Variants in PTK7 observed in about 807,000 individuals in gnomAD.
The protein encoded by PTK7 is inactive tyrosine-protein kinase 7.
PTK7 carries 39 observed loss-of-function variants against 116.6 expected under a neutral mutation model. The ratio of observed to expected loss-of-function variants is 0.33; its 90% CI spans 0.26 to 0.44. PTK7 has a LOEUF of 0.44. Ranked by LOEUF, PTK7 falls within the 20% of genes least tolerant of loss-of-function variation. The probability of loss-of-function intolerance (pLI) is 1.00; values close to 1 mark genes in which losing one functional copy is unlikely to be tolerated. For synonymous variants in PTK7, 546 were observed against 563.6 expected (o/e 0.97, Z 0.44); for missense variants, 1,169 against 1,425.6 (o/e 0.82, Z 2.90).
chr6:43,108,370 T>C (rs1378506589), intron 1 of PTK7, among the ~76,000 whole-genome samples: 1 of 150,232 alleles, frequency 6.7e-6, no homozygotes, highest in Non-Finnish European at 1.5e-5. Flanking sequence ...GCTGGGATTA[T>C]GGGCATGAGC....
intron 1 of PTK7, among the ~76,000 whole-genome samples, chr6:43,119,461 C>T (rs1250076342): frequency 1.3e-5 from 2 of 152,146 alleles, no homozygotes; most frequent in Admixed American, 6.6e-5. Context: ...TCCACCCTGG[C>T]ACTGTTCTCC....
At position 43,129,279 on chromosome 6, in the gene PTK7, G is replaced by T. The variant is rs1769506549; in HGVS notation, c.367+15G>T. ...CAACATCAAATGTGAGAGCCAGGGG[G>T]GCTGTGCCCAGTCCCCCTGTCAGAC... On this transcript the variant is annotated intron_variant, in intron 2 of 19. Coordinates refer to ENST00000230419, the MANE Select transcript of PTK7 (RefSeq NM_002821.5). The surrounding 1 kb of genome is among the most constrained non-coding windows in gnomAD (Gnocchi z 4.5). 1.2e-6 allele frequency: 2 copies of T among 1,613,630 alleles called. No individual in the cohort carries two copies. The highest frequency in any genetic ancestry group is 1.7e-5 in the Admixed American group (1 of 59,994).
chr6:43,101,352 A>G (rs1767570656), intron 1 of PTK7, among the ~76,000 whole-genome samples: 1 of 151,946 alleles, frequency 6.6e-6, no homozygotes, highest in African/African-American at 2.4e-5. Context: ...GGAGATTGAG[A>G]CCATCCTGGC....
intron 1 of PTK7, among the ~76,000 whole-genome samples, chr6:43,094,652 G>T (rs1188000015): frequency 6.6e-6 from 1 of 151,500 alleles, no homozygotes; most frequent in East Asian, 2.0e-4. Context: ...TTATTTTTCT[G>T]TATTTTTAGT....
chr6:43,076,915 C>A lies in PTK7; in HGVS notation c.79+348C>A. The A allele has an allele frequency of 6.6e-7, 1 of 1,515,160 alleles. No homozygotes were observed. Among genetic ancestry groups the A allele is most frequent in the African/African-American group, 1.4e-5 (1 of 72,574 alleles). 93.9% of individuals were successfully genotyped at this position (1,515,160 alleles called of 1,614,324 possible). A position where few individuals can be genotyped will look rare whatever the true frequency, so the allele number is the denominator to read the frequency against. ...AGTTTCTTGTCGGGGGAGAAAAGAC[C>A]ATCCGCACCCACCGTGGGGAGCGCG... On this transcript the variant is annotated intron_variant, in intron 1 of 19. Coordinates refer to ENST00000230419, the MANE Select transcript of PTK7 (RefSeq NM_002821.5). The surrounding 1 kb of genome is among the most constrained non-coding windows in gnomAD (Gnocchi z 5.7).
chr6:43,102,619 A>C (rs992845520), intron 1 of PTK7, among the ~76,000 whole-genome samples: 2 of 152,072 alleles, frequency 1.3e-5, no homozygotes, highest in African/African-American at 2.4e-5. Context: ...ACCAAAAAAA[A>C]ACAAACCAAC....
At chr6:43,157,376 C>A (rs12214963) in intron 17 of PTK7, among the ~76,000 whole-genome samples, 19 of 21,872 alleles carry the variant, frequency 8.7e-4, no homozygotes, top group African/African-American at 2.4e-3. Context: ...TTTTTTTTTT[C>A]TTTTTTTTTT....
chr6:43,095,625 C>T (rs1005941390), intron 1 of PTK7, among the ~76,000 whole-genome samples: 2 of 152,148 alleles, frequency 1.3e-5, no homozygotes, highest in African/African-American at 2.4e-5. Flanking sequence ...TGCTCTTCTC[C>T]GCTTCGGTTG....
At chr6:43,147,466 C>T (rs1473495640) in intron 17 of PTK7, among the ~76,000 whole-genome samples, 1 of 152,210 alleles carries the variant, frequency 6.6e-6, no homozygotes, top group Non-Finnish European at 1.5e-5. Context: ...GGATCTACTT[C>T]CTTCCATGTG....
rs142795079 is a variant in PTK7, at chr6:43,142,502, G to GGTGT, written c.2047+218_2047+221dup. On this transcript the variant is annotated intron_variant, in intron 13 of 19. Coordinates refer to ENST00000230419, the MANE Select transcript of PTK7 (RefSeq NM_002821.5). ...GTCGTTTATTTAACATCCAACGGTC[G>GGTGT]GTGTGTGTGTGTGTGTGTTGTGGGG... The GGTGT allele has an allele frequency of 1.3e-3, 976 of 772,116 alleles. 4 individuals are homozygous for GGTGT. The African/African-American group carries it at 0.013, about 11-fold the overall frequency. 47.8% of individuals were successfully genotyped at this position (772,116 alleles called of 1,614,324 possible).
At chr6:43,123,154 A>G (rs544541977) in intron 1 of PTK7, among the ~76,000 whole-genome samples, 1 of 151,780 alleles carries the variant, frequency 6.6e-6, no homozygotes, top group African/African-American at 2.4e-5. Flanking sequence ...GTTTTCTTTT[A>G]CCATGTTGGC....
chr6:43,076,661 G>C lies in PTK7; in HGVS notation c.79+94G>C. The C allele has an allele frequency of 1.4e-6, 2 of 1,448,002 alleles. No individual in the cohort carries two copies. Among genetic ancestry groups the C allele is most frequent in the South Asian group, 1.3e-5 (1 of 75,848 alleles). 89.7% of individuals were successfully genotyped at this position (1,448,002 alleles called of 1,614,324 possible). The stretch of plus-strand genomic sequence containing the variant: ...CCGGGGCGGTGGGTTTGGGCGGCTG[G>C]AACGGCCCTGGAGTAGTGGAGAGGC... On this transcript the variant is annotated intron_variant, in intron 1 of 19. Transcript: ENST00000230419. The surrounding 1 kb of genome is among the most constrained non-coding windows in gnomAD (Gnocchi z 5.7).
intron 4 of PTK7, 36 bp downstream of exon 4, chr6:43,130,456 GC>G: frequency 6.2e-7 from 1 of 1,608,342 alleles, no homozygotes; most frequent in Non-Finnish European, 8.5e-7. Context: ...GATGAGGTGA[GC>G]ACAGGAGGGC....
intron 10 of PTK7, among the ~76,000 whole-genome samples, chr6:43,140,941 G>C (rs959432268): frequency 2.2e-4 from 34 of 151,240 alleles, no homozygotes; most frequent in African/African-American, 8.0e-4. Flanking sequence ...TATTTGTTTT[G>C]ATGATCCTAA....
intron 1 of PTK7, among the ~76,000 whole-genome samples, chr6:43,080,351 C>CA (rs1483891573): frequency 4.6e-5 from 7 of 150,562 alleles, no homozygotes; most frequent in Non-Finnish European, 8.9e-5. Flanking sequence ...GACTCTGTCT[C>CA]AAAAAAAACA....
In PTK7 at chr6:43,145,919, C is replaced by T. The variant is rs1441640439; in HGVS notation, c.2640+487C>T. On this transcript the variant is annotated intron_variant, in intron 16 of 19. Coordinates refer to ENST00000230419, the MANE Select transcript of PTK7 (RefSeq NM_002821.5). This position sits in a 1 kb window ranked among gnomAD's most constrained non-coding sequence, Gnocchi z 4.8. ...GTGTCATTCCCAGAGCTGCGCCTTC[C>T]TCTTCATTCCCCAGCTGGTCCTTGC... 6.5e-6 allele frequency: 1 copy of T among 153,358 alleles called. No individual in the cohort carries two copies. Among genetic ancestry groups the T allele is most frequent in the Non-Finnish European group, 1.5e-5 (1 of 68,866 alleles). The allele number at this position is 153,358 out of a possible 1,614,324, so 9.5% of individuals were successfully genotyped here.
chr6:43,152,978 G>T (rs919855291), intron 17 of PTK7, among the ~76,000 whole-genome samples: 1 of 151,636 alleles, frequency 6.6e-6, no homozygotes, highest in Non-Finnish European at 1.5e-5. Context: ...TAGAGATGGG[G>T]TTTCACCACA....
At chr6:43,079,328 G>A (rs972044519) in intron 1 of PTK7, among the ~76,000 whole-genome samples, 2 of 152,078 alleles carry the variant, frequency 1.3e-5, no homozygotes, top group Non-Finnish European at 2.9e-5. Flanking sequence ...TTAGCCAGGC[G>A]TGGTGGCGGG....
intron 1 of PTK7, among the ~76,000 whole-genome samples, chr6:43,116,665 C>T (rs1442012126): frequency 6.7e-5 from 10 of 149,558 alleles, no homozygotes; most frequent in South Asian, 2.1e-4. Flanking sequence ...CGCGCACGCA[C>T]GCACGCATAT....
Sources: gnomAD v4.1 joint callset for allele counts (sites outside exome capture counted in the v4.1 genomes callset) on GRCh38, gnomAD v4.1.1 for gene constraint, Gnocchi (gnomAD v3.1) non-coding constraint, MANE v1.5 for transcripts, NCBI Gene and HGNC (gene_info 2026-07-23, HGNC 2026-07-21) for gene names.